The following DCLK1 variants were observed in gnomAD, a reference collection of about 807,000 sequenced individuals.
DCLK1 encodes doublecortin like kinase 1, also known as serine/threonine-protein kinase DCLK1.
DCLK1 carries 16 observed loss-of-function variants against 86.2 expected under a neutral mutation model. That is an observed-to-expected ratio of 0.19 (90% CI 0.13 to 0.28). The LOEUF is 0.28. Among genes scored for constraint, DCLK1 ranks in the 10% least tolerant of loss-of-function variants. DCLK1 has a pLI of 1.00. For missense variants in DCLK1, 590 were observed against 940.2 expected, an observed-to-expected ratio of 0.63 and a Z score of 4.87; for synonymous variants, 369 against 370.5, an observed-to-expected ratio of 1.00 and a Z score of 0.05.
At chr13:35,859,239 T>C (rs1320513099) in intron 5 of DCLK1, among the ~76,000 whole-genome samples, 2 of 152,240 alleles carry the variant, frequency 1.3e-5, no homozygotes, top group Admixed American at 6.5e-5. Flanking sequence ...ATTATTTCAA[T>C]CTGAATCCAC....
intron 3 of DCLK1, among the ~76,000 whole-genome samples, chr13:36,096,025 G>A (rs1038894536): frequency 6.6e-6 from 1 of 152,140 alleles, no homozygotes; most frequent in African/African-American, 2.4e-5. Context: ...CCCCAAAAGA[G>A]AGGGTTAAAA....
At chr13:35,929,863 C>CTTTT (rs375433797) in intron 4 of DCLK1, among the ~76,000 whole-genome samples, 38 of 142,118 alleles carry the variant, frequency 2.7e-4, no homozygotes, top group East Asian at 2.2e-3. Context: ...CATTTTTTTT[C>CTTTT]TTTTTTTTTT....
intron 3 of DCLK1, among the ~76,000 whole-genome samples, chr13:36,097,481 TGTTA>T (rs1014654256): frequency 1.2e-3 from 187 of 152,356 alleles, no homozygotes; most frequent in African/African-American, 4.4e-3. Context: ...CTCTGTGATG[TGTTA>T]GTTACATTAA....
chr13:36,112,465 G>A (rs910689596), intron 2 of DCLK1, among the ~76,000 whole-genome samples: 5 of 152,230 alleles, frequency 3.3e-5, no homozygotes, highest in East Asian at 1.9e-4. Context: ...TCTTAAGGTC[G>A]GTGATAGAAA....
Position 35,822,998 on chromosome 13 carries a change from G to C in DCLK1, c.1408-123C>G, listed in dbSNP as rs1352209856. ...GATGTGGAATCTTTGGGTTCCTAAA[G>C]GCTTTTCCTGCTACTTTCCTTTCAA... On this transcript the variant is annotated intron_variant, in intron 10 of 16. Coordinates refer to ENST00000360631, the MANE Select transcript of DCLK1 (RefSeq NM_001330071.2). 5 of 1,165,042 alleles carry C rather than the reference G, an allele frequency of 4.3e-6. No homozygotes were observed. In the East Asian group the frequency reaches 9.6e-5, roughly 22 times the overall value. 72.2% of individuals were successfully genotyped at this position (1,165,042 alleles called of 1,614,324 possible).
chr13:35,996,224 C>T (rs185762717), intron 3 of DCLK1, among the ~76,000 whole-genome samples: 1 of 152,192 alleles, frequency 6.6e-6, no homozygotes, highest in Non-Finnish European at 1.5e-5. Flanking sequence ...CCACTGCACC[C>T]TGCCAACCTA....
chr13:36,115,328 T>TAAAACAAAC (rs10627322), intron 2 of DCLK1, among the ~76,000 whole-genome samples: 139 of 151,752 alleles, frequency 9.2e-4, no homozygotes, highest in African/African-American at 3.0e-3. Context: ...GAATTTATCT[T>TAAAACAAAC]AAACAAACAA....
At chr13:35,958,850 C>G (rs1878293158) in intron 3 of DCLK1, among the ~76,000 whole-genome samples, 1 of 152,204 alleles carries the variant, frequency 6.6e-6, no homozygotes, top group South Asian at 2.1e-4. Flanking sequence ...GATGCTTGTT[C>G]TTCCAAAAAT....
intron 16 of DCLK1, among the ~76,000 whole-genome samples, chr13:35,780,178 C>A (rs897454545): frequency 1.3e-5 from 2 of 152,034 alleles, no homozygotes; most frequent in African/African-American, 4.8e-5. Context: ...ACAAAAAAAT[C>A]CCCAGACATC....
At chr13:35,792,145 T>A (rs1274476420) in intron 16 of DCLK1, among the ~76,000 whole-genome samples, 2 of 152,366 alleles carry the variant, frequency 1.3e-5, no homozygotes, top group Non-Finnish European at 2.9e-5. Flanking sequence ...GAGGAACATC[T>A]GGAAGAGTAG....
chr13:36,093,156 T>C (rs1884897838), intron 3 of DCLK1, among the ~76,000 whole-genome samples: 1 of 152,236 alleles, frequency 6.6e-6, no homozygotes, highest in Non-Finnish European at 1.5e-5. Flanking sequence ...CAAACCTTCA[T>C]TATGTAACTG....
rs1882265946 is a variant in DCLK1, at chr13:36,031,403, G to A, written c.723+80466C>T. Reference sequence around the variant, plus strand: ...CTCCAAGTAGCTTGAACTCTGCAGTGGTAATGGTGTCAAAGGATTGGGGTT... The same window carrying A: ...CTCCAAGTAGCTTGAACTCTGCAGTAGTAATGGTGTCAAAGGATTGGGGTT... On this transcript the variant is annotated intron_variant, in intron 3 of 16. Coordinates refer to ENST00000360631, the MANE Select transcript of DCLK1 (RefSeq NM_001330071.2). Among the ~76,000 whole-genome samples, 2 of 151,902 alleles carry A rather than the reference G, an allele frequency of 1.3e-5. 1 individual carries two copies. The highest frequency in any genetic ancestry group is 4.8e-5 in the African/African-American group (2 of 41,330).
chr13:36,108,924 C>T (rs2058436656), intron 3 of DCLK1, among the ~76,000 whole-genome samples: 1 of 152,160 alleles, frequency 6.6e-6, no homozygotes, highest in African/African-American at 2.4e-5. Flanking sequence ...TATGGCCAAG[C>T]GTTATTCCAC....
At chr13:35,948,040 C>G (rs767427970) in intron 3 of DCLK1, among the ~76,000 whole-genome samples, 1 of 152,208 alleles carries the variant, frequency 6.6e-6, no homozygotes, top group African/African-American at 2.4e-5. Context: ...CAAGCTCTGC[C>G]AAACTCTAAA....
chr13:35,865,426 C>A (rs559006436), intron 5 of DCLK1, among the ~76,000 whole-genome samples: 1 of 152,188 alleles, frequency 6.6e-6, no homozygotes, highest in Non-Finnish European at 1.5e-5. Flanking sequence ...CTTAGTGATT[C>A]ATCCTCCAGT....
intron 4 of DCLK1, among the ~76,000 whole-genome samples, chr13:35,878,611 T>C (rs1012690869): frequency 1.3e-5 from 2 of 152,114 alleles, no homozygotes; most frequent in African/African-American, 4.8e-5. Context: ...ACAGGGTGAC[T>C]ACAATGAAGA....
chr13:35,909,225 G>T (rs1874859271), intron 4 of DCLK1, among the ~76,000 whole-genome samples: 1 of 152,286 alleles, frequency 6.6e-6, no homozygotes, highest in Admixed American at 6.5e-5. Flanking sequence ...CCTCCTGGGG[G>T]CTCCTGGATA....
At chr13:35,838,806 G>A (rs757668296) in intron 7 of DCLK1, among the ~76,000 whole-genome samples, 12 of 152,120 alleles carry the variant, frequency 7.9e-5, no homozygotes, top group African/African-American at 1.7e-4. Context: ...CGATCCCAGC[G>A]ATCCCCTCTT....
intron 15 of DCLK1, among the ~76,000 whole-genome samples, chr13:35,795,049 G>C (rs1453299592): frequency 6.6e-6 from 1 of 152,202 alleles, no homozygotes; most frequent in Non-Finnish European, 1.5e-5. Flanking sequence ...ATTAAAAGGA[G>C]CTGTTACAAG....
Sources: gnomAD v4.1 joint callset for allele counts (sites outside exome capture counted in the v4.1 genomes callset) on GRCh38, gnomAD v4.1.1 for gene constraint, MANE v1.5 for transcripts, NCBI Gene and HGNC (gene_info 2026-07-23, HGNC 2026-07-21) for gene names.